Variants in ASTN2 observed in about 807,000 individuals in gnomAD.
ASTN2 encodes the protein astrotactin-2.
In ASTN2, 54 loss-of-function variants were observed where a neutral mutation model predicts 139.8. The ratio of observed to expected loss-of-function variants is 0.39; its 90% CI spans 0.31 to 0.48. The LOEUF (loss-of-function observed/expected upper bound fraction) is 0.48. Among genes scored for constraint, ASTN2 ranks in the 20% least tolerant of loss-of-function variants. The pLI is 0.95. For missense variants in ASTN2, 1,565 were observed against 1,725.1 expected (o/e 0.91, Z 1.64); for synonymous variants, 756 against 719.5 (o/e 1.05, Z -0.81).
chr9:116,862,089 T>A (rs959625411), intron 11 of ASTN2, among the ~76,000 whole-genome samples: 3 of 151,454 alleles, frequency 2.0e-5, no homozygotes, highest in Non-Finnish European at 4.4e-5. Context: ...GAGCTATTAA[T>A]CTTTGAGTCT....
At chr9:117,312,413 G>A (rs555551026) in intron 1 of ASTN2, among the ~76,000 whole-genome samples, 15 of 152,184 alleles carry the variant, frequency 9.9e-5, no homozygotes, top group African/African-American at 2.9e-4. Context: ...AATCCCAGGC[G>A]GACTGTTAGT....
intron 12 of ASTN2, among the ~76,000 whole-genome samples, chr9:116,812,956 C>T (rs1340436410): frequency 2.0e-5 from 3 of 152,042 alleles, no homozygotes; most frequent in African/African-American, 7.3e-5. Context: ...AGCAGTTCTC[C>T]CCCGCCGAGC....
chr9:117,326,511 A>T (rs1014134205), intron 1 of ASTN2, among the ~76,000 whole-genome samples: 1 of 152,212 alleles, frequency 6.6e-6, no homozygotes, highest in African/African-American at 2.4e-5. Context: ...AAAATTCTGC[A>T]GTGGAAAATG....
chr9:117,275,551 T>C, intron 2 of ASTN2, among the ~76,000 whole-genome samples: 1 of 149,094 alleles, frequency 6.7e-6, no homozygotes, highest in African/African-American at 2.5e-5. Context: ...ACTGATGTCT[T>C]TTATCTCTCC....
At chr9:116,562,137 A>G (rs1290197399) in intron 19 of ASTN2, 2 of 152,344 alleles carry the variant, frequency 1.3e-5, no homozygotes, top group East Asian at 3.9e-4. Flanking sequence ...AGTATTTCCC[A>G]AAGTGGGTTC....
At chr9:117,104,954 A>T (rs1829067695) in intron 4 of ASTN2, among the ~76,000 whole-genome samples, 1 of 152,182 alleles carries the variant, frequency 6.6e-6, no homozygotes, top group Admixed American at 6.5e-5. Flanking sequence ...GGCTTAAATA[A>T]CTACTTACGA....
chr9:116,907,636 G>A (rs914002885), intron 10 of ASTN2, among the ~76,000 whole-genome samples: 2 of 152,166 alleles, frequency 1.3e-5, no homozygotes, highest in African/African-American at 2.4e-5. Context: ...GGTAATATCC[G>A]TTACCAACAC....
At chr9:117,220,996 C>T (rs1320753836) in intron 2 of ASTN2, among the ~76,000 whole-genome samples, 2 of 152,152 alleles carry the variant, frequency 1.3e-5, no homozygotes, top group East Asian at 3.9e-4. Flanking sequence ...CTTGAGTTGC[C>T]ATTTACCTCT....
chr9:116,505,305 C>T (rs1850060588), intron 19 of ASTN2, among the ~76,000 whole-genome samples: 1 of 151,956 alleles, frequency 6.6e-6, no homozygotes. Context: ...TCTGTGGAAA[C>T]AATGTTGGTT....
intron 5 of ASTN2, among the ~76,000 whole-genome samples, chr9:117,069,467 G>GA: frequency 2.4e-5 from 2 of 84,416 alleles, no homozygotes; most frequent in African/African-American, 5.3e-5. Context: ...GTGTGGTGCT[G>GA]AAAAAAATGT....
At chr9:117,400,354 G>T (rs573578509) in intron 1 of ASTN2, among the ~76,000 whole-genome samples, 4 of 152,202 alleles carry the variant, frequency 2.6e-5, no homozygotes, top group Non-Finnish European at 4.4e-5. Flanking sequence ...CCTTTTGTGG[G>T]GAGGACAGAA....
At chr9:116,650,454 G>A (rs1003379376) in intron 17 of ASTN2, among the ~76,000 whole-genome samples, 1 of 152,174 alleles carries the variant, frequency 6.6e-6, no homozygotes, top group Admixed American at 6.5e-5. Flanking sequence ...CCAACTTTGA[G>A]TAAATCACTT....
At chr9:116,641,280 C>A (rs1333887150) in intron 17 of ASTN2, among the ~76,000 whole-genome samples, 1 of 152,118 alleles carries the variant, frequency 6.6e-6, no homozygotes, top group Non-Finnish European at 1.5e-5. Context: ...CTTTAGCATG[C>A]ATTAGACTTT....
chr9:116,896,258 A>T (rs1833876892), intron 10 of ASTN2, among the ~76,000 whole-genome samples: 1 of 152,202 alleles, frequency 6.6e-6, no homozygotes. Flanking sequence ...AGGAAAGCAA[A>T]CAAGGGTGTA....
chr9:116,465,587 G>A (rs772587988), intron 20 of ASTN2, among the ~76,000 whole-genome samples: 2 of 152,124 alleles, frequency 1.3e-5, no homozygotes, highest in Non-Finnish European at 2.9e-5. Flanking sequence ...TGAACATATC[G>A]TTATACAGAA....
At chr9:116,829,365 C>T (rs1050037331) in intron 11 of ASTN2, among the ~76,000 whole-genome samples, 1 of 150,920 alleles carries the variant, frequency 6.6e-6, no homozygotes, top group African/African-American at 2.4e-5. Context: ...TACCTACAAC[C>T]AAATGATCTT....
intron 10 of ASTN2, among the ~76,000 whole-genome samples, chr9:116,907,036 T>C (rs1429899701): frequency 6.6e-6 from 1 of 152,194 alleles, no homozygotes; most frequent in Non-Finnish European, 1.5e-5. Context: ...AGCATTGCAT[T>C]CATTTTCTCA....
At chr9:116,689,346 T>C (rs1268656063) in intron 16 of ASTN2, among the ~76,000 whole-genome samples, 1 of 152,224 alleles carries the variant, frequency 6.6e-6, no homozygotes, top group African/African-American at 2.4e-5. Flanking sequence ...ACAGAATTGT[T>C]GTGAGGATTT....
In ASTN2 at chr9:116,803,518, A is replaced by ATG. The variant is rs1564276214; in HGVS notation, c.2396+2113_2396+2114insCA. On this transcript the variant is annotated intron_variant, in intron 13 of 22. Transcript: ENST00000313400. ...TATATATATATATATATATATATAT[A>ATG]TATATTTTTTTTTTTTTTTTTTTTT... is the stretch of plus-strand genomic sequence containing the variant. 6.9e-3 allele frequency among the ~76,000 whole-genome samples: 35 copies of ATG among 5,084 alleles called. 1 individual carries two copies. The highest frequency in any genetic ancestry group is 0.021 in the African/African-American group (23 of 1,110). 3.3% of individuals were successfully genotyped at this position (5,084 alleles called of 152,430 possible).
Sources: gnomAD v4.1 joint callset for allele counts (sites outside exome capture counted in the v4.1 genomes callset) on GRCh38, gnomAD v4.1.1 for gene constraint, MANE v1.5 for transcripts, NCBI Gene and HGNC (gene_info 2026-07-23, HGNC 2026-07-21) for gene names.